UNC79: variants seen among roughly 807,000 people sequenced by gnomAD.
The protein encoded by UNC79 is unc-79 subunit of NALCN channel complex.
Under a neutral mutation model 283.1 loss-of-function variants are expected in UNC79, and 37 were observed. That is an observed-to-expected ratio of 0.13 (90% CI 0.10 to 0.17). The LOEUF is 0.17. Ranked by LOEUF, UNC79 falls within the 10% of genes least tolerant of loss-of-function variation. The probability of loss-of-function intolerance (pLI) is 1.00; values close to 1 mark genes in which losing one functional copy is unlikely to be tolerated. For missense variants in UNC79, 2,272 were observed against 3,211.1 expected, an observed-to-expected ratio of 0.71 and a Z score of 7.07; for synonymous variants, 1,107 against 1,200.2, an observed-to-expected ratio of 0.92 and a Z score of 1.61.
rs1162036555 is a variant in UNC79 at position 93,462,693 on chromosome 14, C to T, written c.23-4978C>T. On this transcript the variant is annotated intron_variant, in intron 1 of 48. Transcript: ENST00000555664. ...TGATAAGACTTAGTGATTAATAGGACTTAGTAATGGATTGGATTAGAGGAG... is the reference window on the plus strand; with the variant it reads ...TGATAAGACTTAGTGATTAATAGGATTTAGTAATGGATTGGATTAGAGGAG... 3.9e-5 allele frequency among the ~76,000 whole-genome samples: 6 copies of T among 152,244 alleles called. No individual in the cohort carries two copies. The East Asian group carries it at 9.7e-4, about 25-fold the overall frequency.
At chr14:93,646,669 G>A in intron 35 of UNC79, 23 bp downstream of exon 38, 1 of 1,613,090 alleles carries the variant, frequency 6.2e-7, no homozygotes, top group Non-Finnish European at 8.5e-7. Context: ...CGGGAGCCCA[G>A]ATCTCACTTT....
intron 4 of UNC79, among the ~76,000 whole-genome samples, chr14:93,480,043 T>C (rs936392098): frequency 1.5e-4 from 23 of 152,244 alleles, no homozygotes; most frequent in Non-Finnish European, 1.6e-4. Context: ...CATTTAAGAT[T>C]GATCAAGTAT....
intron 1 of UNC79, among the ~76,000 whole-genome samples, chr14:93,390,770 A>G (rs1019469581): frequency 3.3e-5 from 5 of 152,184 alleles, no homozygotes; most frequent in Non-Finnish European, 5.9e-5. Flanking sequence ...CTATACTTCT[A>G]TGGAGAACAT....
chr14:93,574,184 C>T (rs1041855648), intron 16 of UNC79, among the ~76,000 whole-genome samples: 6 of 89,368 alleles, frequency 6.7e-5, no homozygotes, highest in African/African-American at 1.0e-4. Flanking sequence ...TGGGGATAAG[C>T]CCATACAGCT....
At chr14:93,435,908 C>G (rs961735966) in intron 1 of UNC79, among the ~76,000 whole-genome samples, 1 of 152,210 alleles carries the variant, frequency 6.6e-6, no homozygotes, top group African/African-American at 2.4e-5. Context: ...CTACTTACTG[C>G]TCAATACTTA....
At chr14:93,589,319 A>G (rs1356896186) in intron 22 of UNC79, among the ~76,000 whole-genome samples, 3 of 152,146 alleles carry the variant, frequency 2.0e-5, no homozygotes, top group Admixed American at 2.0e-4. Context: ...CAGAGTGATG[A>G]AACGGTTGTC....
intron 34 of UNC79, among the ~76,000 whole-genome samples, chr14:93,644,318 A>G (rs1398219346): frequency 6.6e-6 from 1 of 152,242 alleles, no homozygotes; most frequent in Non-Finnish European, 1.5e-5. Context: ...GATATATTTC[A>G]TGGATATGAA....
At chr14:93,666,069 G>A (rs542673869) in intron 40 of UNC79, among the ~76,000 whole-genome samples, 1 of 149,236 alleles carries the variant, frequency 6.7e-6, no homozygotes, top group East Asian at 1.9e-4. Context: ...GTGTGTTTGT[G>A]TGTGTGTGTG....
chr14:93,578,626 T>C (rs1321222704), intron 18 of UNC79, among the ~76,000 whole-genome samples: 2 of 152,334 alleles, frequency 1.3e-5, no homozygotes, highest in African/African-American at 2.4e-5. Flanking sequence ...TAATTTTTAA[T>C]AGATCATTTG....
At chr14:93,458,267 G>T (rs1595513623) in intron 1 of UNC79, among the ~76,000 whole-genome samples, 1 of 152,148 alleles carries the variant, frequency 6.6e-6, no homozygotes, top group South Asian at 2.1e-4. Context: ...ACTAGCACTG[G>T]CAAAGAATGG....
At chr14:93,458,052 C>T (rs1189020047) in intron 1 of UNC79, among the ~76,000 whole-genome samples, 2 of 152,196 alleles carry the variant, frequency 1.3e-5, no homozygotes, top group Admixed American at 1.3e-4. Context: ...TAACAACGCA[C>T]ATTTGTGAAA....
intron 1 of UNC79, among the ~76,000 whole-genome samples, chr14:93,465,476 C>T (rs1016060843): frequency 1.3e-5 from 2 of 152,114 alleles, no homozygotes; most frequent in Admixed American, 6.5e-5. Flanking sequence ...AGAGACAATG[C>T]AATATGACTT....
chr14:93,382,140 A>G (rs2054677328), intron 1 of UNC79, among the ~76,000 whole-genome samples: 2 of 152,158 alleles, frequency 1.3e-5, no homozygotes, highest in Admixed American at 6.5e-5. Flanking sequence ...TAATAATACA[A>G]GGTATGTAAT....
At chr14:93,496,289 T>A in intron 5 of UNC79, 122 bp from the exon 6 acceptor site, 1 of 600,442 alleles carries the variant, frequency 1.7e-6, no homozygotes, top group Non-Finnish European at 2.7e-6. Flanking sequence ...AGAGAAGTTA[T>A]TTCTAATTTA....
intron 14 of UNC79, among the ~76,000 whole-genome samples, chr14:93,570,157 C>T (rs963911869): frequency 2.0e-5 from 3 of 152,110 alleles, no homozygotes; most frequent in Non-Finnish European, 4.4e-5. Flanking sequence ...CTGTGCTGCT[C>T]AGGCTGGTCT....
At chr14:93,589,440 G>T (rs935188177) in intron 22 of UNC79, among the ~76,000 whole-genome samples, 15 of 151,994 alleles carry the variant, frequency 9.9e-5, no homozygotes, top group African/African-American at 3.4e-4. Flanking sequence ...GCTGGGGGAT[G>T]GGGGGGAAGT....
At chr14:93,686,733 A>G (rs2074269236) in intron 43 of UNC79, 72 bp downstream of exon 46, 4 of 1,561,158 alleles carry the variant, frequency 2.6e-6, no homozygotes, top group Middle Eastern at 1.8e-4. Context: ...TAAGCAGACC[A>G]TAGGGAACTT....
At chr14:93,342,527 G>T (rs1032335843) in intron 1 of UNC79, among the ~76,000 whole-genome samples, 1 of 152,228 alleles carries the variant, frequency 6.6e-6, no homozygotes, top group Non-Finnish European at 1.5e-5. Flanking sequence ...TTTCCTCATT[G>T]TCTTGGCCAT....
chr14:93,539,262 C>A (rs1038275065), intron 12 of UNC79, among the ~76,000 whole-genome samples: 2 of 150,060 alleles, frequency 1.3e-5, no homozygotes, highest in Non-Finnish European at 3.0e-5. Flanking sequence ...GTGGCTCGCG[C>A]CTGTAATCCC....
Sources: allele counts gnomAD v4.1 joint callset (sites outside exome capture counted in the v4.1 genomes callset), GRCh38; gene constraint gnomAD v4.1.1; transcripts MANE v1.5; gene names NCBI Gene and HGNC (gene_info 2026-07-23, HGNC 2026-07-21).